KIAA0319L: variants seen among roughly 807,000 people sequenced by gnomAD.
The protein encoded by KIAA0319L is dyslexia-associated protein KIAA0319-like protein.
In KIAA0319L, 55 loss-of-function variants were observed where a neutral mutation model predicts 120.1. The observed-to-expected ratio is 0.46, with a 90% confidence interval of 0.37 to 0.57. KIAA0319L has a LOEUF of 0.57. KIAA0319L is among the 20% of genes least tolerant of loss of function. The pLI is 0.00. For missense variants in KIAA0319L, 1,049 were observed against 1,255.3 expected (o/e 0.84, Z 2.48); for synonymous variants, 398 against 471.9 (o/e 0.84, Z 2.03).
chr1:35,510,731 C>A (rs1645405529), intron 2 of KIAA0319L: 1 of 151,944 alleles, frequency 6.6e-6, no homozygotes, highest in Non-Finnish European at 1.5e-5. Context: ...CTCAGCCTCC[C>A]AAGATGCTAG....
intron 2 of KIAA0319L, among the ~76,000 whole-genome samples, chr1:35,552,363 T>C (rs1647285115): frequency 1.3e-5 from 2 of 151,782 alleles, no homozygotes; most frequent in Admixed American, 1.3e-4. Flanking sequence ...AAACCTTTGG[T>C]CCTCCAAAAC....
At chr1:35,435,126 G>A in intron 20 of KIAA0319L, 45 bp from the exon 21 acceptor site, 1 of 1,562,800 alleles carries the variant, frequency 6.4e-7, no homozygotes, top group Non-Finnish European at 8.8e-7. Flanking sequence ...CTGGCCTCAA[G>A]GCTGGAGCCA....
At chr1:35,487,258 T>A (rs1273987932) in intron 3 of KIAA0319L, among the ~76,000 whole-genome samples, 2 of 142,832 alleles carry the variant, frequency 1.4e-5, no homozygotes, top group Non-Finnish European at 3.1e-5. Flanking sequence ...TTCTCACAAC[T>A]TTTTTTTTTT....
intron 3 of KIAA0319L, among the ~76,000 whole-genome samples, chr1:35,505,513 C>A (rs564127697): frequency 5.9e-5 from 9 of 152,256 alleles, no homozygotes; most frequent in African/African-American, 2.2e-4. Context: ...TAATTATACA[C>A]CACTGTAAAT....
chr1:35,514,408 C>T (rs1209523796), intron 2 of KIAA0319L, among the ~76,000 whole-genome samples: 2 of 151,154 alleles, frequency 1.3e-5, no homozygotes, highest in Non-Finnish European at 2.9e-5. Flanking sequence ...AATGCCCCCA[C>T]TTAAAAGGCA....
At chr1:35,454,603 C>G (rs1039484538) in intron 10 of KIAA0319L, 118 bp from the exon 11 acceptor site, 1 of 1,480,202 alleles carries the variant, frequency 6.8e-7, no homozygotes, top group African/African-American at 1.4e-5. Flanking sequence ...TGGTACTGGG[C>G]TATTACGTAC....
intron 3 of KIAA0319L, among the ~76,000 whole-genome samples, chr1:35,499,435 G>A (rs1350920503): frequency 2.6e-5 from 4 of 152,158 alleles, no homozygotes; most frequent in Non-Finnish European, 5.9e-5. Flanking sequence ...CAGTGTCTAT[G>A]CAGACTGGCC....
intron 3 of KIAA0319L, among the ~76,000 whole-genome samples, chr1:35,504,290 A>G (rs1038427100): frequency 1.3e-5 from 2 of 151,216 alleles, no homozygotes; most frequent in Admixed American, 6.6e-5. Context: ...TCCACCTCCC[A>G]GGTTCACGAC....
intron 4 of KIAA0319L, among the ~76,000 whole-genome samples, chr1:35,475,395 G>A (rs1437862723): frequency 4.6e-5 from 7 of 152,074 alleles, no homozygotes; most frequent in African/African-American, 1.7e-4. Context: ...TAGAAGGGAA[G>A]GCAAATGGTT....
Position 35,453,758 on chromosome 1 carries a change from C to T in KIAA0319L, c.1781-69G>A. 6 of 1,499,112 alleles carry T rather than the reference C, an allele frequency of 4.0e-6. No homozygotes were observed. Among genetic ancestry groups the T allele is most frequent in the Non-Finnish European group, 5.4e-6 (6 of 1,106,058 alleles). 92.9% of individuals were successfully genotyped at this position (1,499,112 alleles called of 1,614,324 possible). ...GGGAAAGGAGAGGAACCAATTGGGA[C>T]ACATGTTCTGGAAGCCATGGACTCT... On this transcript the variant is annotated intron_variant, in intron 11 of 20. Coordinates refer to ENST00000325722, the MANE Select transcript of KIAA0319L (RefSeq NM_024874.5). The surrounding 1 kb of genome is among the most constrained non-coding windows in gnomAD (Gnocchi z 4.1).
chr1:35,461,074 C>G (rs1642857408), intron 8 of KIAA0319L, among the ~76,000 whole-genome samples: 1 of 152,072 alleles, frequency 6.6e-6, no homozygotes, highest in African/African-American at 2.4e-5. Context: ...TGACTGAAAA[C>G]AAGTAAGAAC....
chr1:35,471,638 A>G (rs886376345), intron 5 of KIAA0319L, among the ~76,000 whole-genome samples: 1 of 152,204 alleles, frequency 6.6e-6, no homozygotes, highest in African/African-American at 2.4e-5. Flanking sequence ...CTCCCCAGAA[A>G]AAGTAGTCTT....
chr1:35,436,597 G>A (rs1174849143), intron 20 of KIAA0319L, among the ~76,000 whole-genome samples: 1 of 152,200 alleles, frequency 6.6e-6, no homozygotes, highest in Non-Finnish European at 1.5e-5. Context: ...AGTGAGGACA[G>A]GAGCCTAGGT....
At position 35,453,670 on chromosome 1, in the gene KIAA0319L, C is replaced by A. The variant is rs1642222748; in HGVS notation, c.1800G>T (p.Gln600His). 6.2e-7 allele frequency: 1 copy of A among 1,613,534 alleles called. No individual in the cohort carries two copies. The highest frequency in any genetic ancestry group is 1.7e-5 in the Admixed American group (1 of 59,956). ...GCTCTTTATCTGGGCCTGCATCTGC[C>A]TGAGGAGGCTTATTGTTTTCTGGAA... ...IVQPENNKPPQADAGPDKELT... is the reference protein window; with the variant it reads ...IVQPENNKPPHADAGPDKELT... The change falls in exon 12 of 21, where the codon CAG becomes CAT. Residue 600 changes from glutamine (Q) to histidine (H), a missense_variant. Transcript: ENST00000325722. This position sits in a 1 kb window ranked among gnomAD's most constrained non-coding sequence, Gnocchi z 4.1.
intron 2 of KIAA0319L, among the ~76,000 whole-genome samples, chr1:35,534,405 T>C: frequency 6.6e-6 from 1 of 152,214 alleles, no homozygotes; most frequent in East Asian, 1.9e-4. Flanking sequence ...TAACTCTTGA[T>C]TATCTGCTAG....
In KIAA0319L at chr1:35,453,415, G is replaced by A. The variant is rs1642203099; in HGVS notation, c.1913+142C>T. ...ATAATATCATTTTCTTGGAGTTGAA[G>A]TTTGGAATTGCAAACATTTCTTCCT... On this transcript the variant is annotated intron_variant, in intron 12 of 20. Coordinates refer to ENST00000325722, the MANE Select transcript of KIAA0319L (RefSeq NM_024874.5). The surrounding 1 kb of genome is among the most constrained non-coding windows in gnomAD (Gnocchi z 4.1). 2.9e-6 allele frequency: 2 copies of A among 695,124 alleles called. No individual in the cohort carries two copies. Among genetic ancestry groups the A allele is most frequent in the South Asian group, 2.1e-5 (1 of 47,988 alleles). 43.1% of individuals were successfully genotyped at this position (695,124 alleles called of 1,614,324 possible).
intron 5 of KIAA0319L, among the ~76,000 whole-genome samples, chr1:35,473,867 C>T (rs754779410): frequency 5.3e-5 from 8 of 152,222 alleles, no homozygotes; most frequent in Non-Finnish European, 8.8e-5. Context: ...TAACATAAAC[C>T]CAACTGGCTC....
chr1:35,537,426 A>T (rs1646622291), intron 2 of KIAA0319L, among the ~76,000 whole-genome samples: 1 of 148,390 alleles, frequency 6.7e-6, no homozygotes, highest in African/African-American at 2.5e-5. Context: ...TTGTTTTTAA[A>T]GAGAAGGTCA....
intron 2 of KIAA0319L, among the ~76,000 whole-genome samples, chr1:35,521,598 C>T (rs1645916190): frequency 6.7e-6 from 1 of 149,908 alleles, no homozygotes; most frequent in Non-Finnish European, 1.5e-5. Context: ...GGCGCCACTG[C>T]ACTCCAGCCT....
Sources: gnomAD v4.1 joint callset for allele counts (sites outside exome capture counted in the v4.1 genomes callset) on GRCh38, gnomAD v4.1.1 for gene constraint, Gnocchi (gnomAD v3.1) non-coding constraint, MANE v1.5 for transcripts, NCBI Gene and HGNC (gene_info 2026-07-23, HGNC 2026-07-21) for gene names.